The following ARPP21 variants were observed in gnomAD, a reference collection of about 807,000 sequenced individuals.
ARPP21 encodes cAMP-regulated phosphoprotein 21.
A neutral mutation model predicts 113.2 loss-of-function variants in ARPP21; 69 were observed. The observed-to-expected ratio is 0.61, with a 90% CI of 0.50 to 0.74. The LOEUF is 0.74. Ranked by LOEUF, ARPP21 falls within the 30% of genes least tolerant of loss-of-function variation. The pLI, the probability that ARPP21 is intolerant of heterozygous loss-of-function variation, is 0.00. For missense variants in ARPP21, 1,070 were observed against 1,037.4 expected (o/e 1.03, Z -0.43); for synonymous variants, 368 against 375.5 (o/e 0.98, Z 0.23).
At chr3:35,736,092 C>T (rs946095364) in intron 15 of ARPP21, among the ~76,000 whole-genome samples, 2 of 152,046 alleles carry the variant, frequency 1.3e-5, no homozygotes, top group African/African-American at 4.8e-5. Flanking sequence ...TCTTACTGAC[C>T]AGGGTCATTT....
chr3:35,753,716 A>G (rs1201341507), intron 19 of ARPP21, among the ~76,000 whole-genome samples: 3 of 151,992 alleles, frequency 2.0e-5, no homozygotes, highest in Admixed American at 2.0e-4. Flanking sequence ...TAACGTGTTT[A>G]GTTTTTTTGT....
At chr3:35,739,286 G>A (rs776761231) in intron 17 of ARPP21, 31 bp from the exon 18 acceptor site, 28 of 1,603,196 alleles carry the variant, frequency 1.7e-5, no homozygotes, top group Non-Finnish European at 2.2e-5. Context: ...CTGATCCTGT[G>A]AATTCCCTCA....
At chr3:35,688,336 A>G (rs1175507721) in intron 6 of ARPP21, among the ~76,000 whole-genome samples, 1 of 151,596 alleles carries the variant, frequency 6.6e-6, no homozygotes, top group Non-Finnish European at 1.5e-5. Context: ...GTATATGTCA[A>G]CGGAATACAT....
chr3:35,738,124 A>G, intron 16 of ARPP21, 90 bp from the exon 17 acceptor site: 2 of 802,402 alleles, frequency 2.5e-6, no homozygotes, highest in Non-Finnish European at 4.1e-6. Flanking sequence ...CACTGAACCT[A>G]GAGAGCCTAT....
intron 16 of ARPP21, among the ~76,000 whole-genome samples, chr3:35,737,990 C>T (rs147300281): frequency 1.2e-3 from 187 of 152,302 alleles, no homozygotes; most frequent in African/African-American, 4.2e-3. Context: ...CAATATCAAA[C>T]GTACATCAGT....
chr3:35,691,612 A>G (rs2082265655), intron 9 of ARPP21, among the ~76,000 whole-genome samples: 1 of 151,574 alleles, frequency 6.6e-6, no homozygotes, highest in African/African-American at 2.4e-5. Context: ...GAGGATGACA[A>G]GTTTTTTCCC....
intron 13 of ARPP21, among the ~76,000 whole-genome samples, chr3:35,718,765 C>G (rs543642014): frequency 7.3e-4 from 111 of 152,234 alleles, no homozygotes; most frequent in Middle Eastern, 3.4e-3. Flanking sequence ...AGCACAGAAG[C>G]AGAGCTTAAA....
At position 35,682,778 on chromosome 3, in the gene ARPP21, C is replaced by T. The variant is rs917204247; in HGVS notation, c.130-70C>T. Reference sequence around the variant, plus strand: ...TCTCTCTTTCTTTCTCTCTCTCTCTCGGTTGTTGATTTACTGTTCGTTTTT... The same window carrying T: ...TCTCTCTTTCTTTCTCTCTCTCTCTTGGTTGTTGATTTACTGTTCGTTTTT... On this transcript the variant is annotated intron_variant, in intron 3 of 20. Coordinates refer to ENST00000684406, the MANE Select transcript of ARPP21 (RefSeq NM_001385562.1). The T allele has an allele frequency of 1.3e-5, 18 of 1,377,344 alleles. No individual in the cohort carries two copies. The Admixed American group carries it at 1.6e-4, about 13-fold the overall frequency. 85.3% of individuals were successfully genotyped at this position (1,377,344 alleles called of 1,614,324 possible). A position where few individuals can be genotyped will look rare whatever the true frequency, so the allele number is the denominator to read the frequency against.
At chr3:35,720,290 T>C (rs549305969) in intron 13 of ARPP21, among the ~76,000 whole-genome samples, 2 of 152,370 alleles carry the variant, frequency 1.3e-5, no homozygotes, top group African/African-American at 4.8e-5. Flanking sequence ...AGTTATTTCA[T>C]TTTTATTTCT....
At chr3:35,671,027 C>G (rs2076217198) in intron 1 of ARPP21, among the ~76,000 whole-genome samples, 1 of 152,136 alleles carries the variant, frequency 6.6e-6, no homozygotes, top group African/African-American at 2.4e-5. Flanking sequence ...CTTTGAGACA[C>G]TCTTTTGCAT....
chr3:35,677,458 C>T (rs2077806842), intron 1 of ARPP21, among the ~76,000 whole-genome samples: 1 of 151,802 alleles, frequency 6.6e-6, no homozygotes, highest in African/African-American at 2.4e-5. Context: ...TAAGAAACAG[C>T]GTGAATATAA....
At chr3:35,643,823 G>T (rs1699119268) in intron 1 of ARPP21, 1 of 151,996 alleles carries the variant, frequency 6.6e-6, no homozygotes, top group Non-Finnish European at 1.5e-5. Flanking sequence ...TCTTCTTATG[G>T]TAAGTACTGG....
chr3:35,705,380 T>C (rs558450224), intron 9 of ARPP21, among the ~76,000 whole-genome samples: 4 of 152,306 alleles, frequency 2.6e-5, no homozygotes, highest in African/African-American at 9.6e-5. Context: ...CTACTGTAAA[T>C]GGCCTTTTCA....
Position 35,645,243 on chromosome 3 carries a change from A to G in ARPP21, c.-213+4845A>G, listed in dbSNP as rs1699764226. Among the ~76,000 whole-genome samples, 2 of 151,908 alleles carry G rather than the reference A, an allele frequency of 1.3e-5. 1 individual carries two copies. The highest frequency in any genetic ancestry group is 4.8e-5 in the African/African-American group (2 of 41,428). ...TCACATTTCACACTACTTCAAGATG[A>G]TACAATTCTTAAATTAGAAATCCAT... On this transcript the variant is annotated intron_variant, in intron 1 of 20. Coordinates refer to ENST00000684406, the MANE Select transcript of ARPP21 (RefSeq NM_001385562.1).
Position 35,778,304 on chromosome 3 carries a change from G to A in ARPP21, c.2138-14078G>A, listed in dbSNP as rs544116370. 1.8e-3 allele frequency among the ~76,000 whole-genome samples: 277 copies of A among 152,248 alleles called. 1 individual carries two copies. The highest frequency in any genetic ancestry group is 5.8e-3 in the African/African-American group (241 of 41,556). ...TCCATCTCTCCTGACCCCATGAGCT[G>A]CATCTGTCAGGTTCCTTTGCCCCCT... On this transcript the variant is annotated intron_variant, in intron 19 of 20. Coordinates refer to ENST00000684406, the MANE Select transcript of ARPP21 (RefSeq NM_001385562.1).
At chr3:35,678,591 C>A (rs1439833264) in intron 1 of ARPP21, among the ~76,000 whole-genome samples, 1 of 151,938 alleles carries the variant, frequency 6.6e-6, no homozygotes, top group African/African-American at 2.4e-5. Context: ...GTCTAATCAT[C>A]CATCTTCATA....
intron 2 of ARPP21, 86 bp downstream of exon 2, chr3:35,680,046 A>G (rs2078453740): frequency 6.6e-6 from 1 of 152,336 alleles, no homozygotes; most frequent in Admixed American, 6.6e-5. Context: ...CCAGCAGTTC[A>G]CTGAATGTAA....
rs1257522310 is a variant in ARPP21, at chr3:35,639,548, G to A, written c.-1063G>A. 4.6e-5 allele frequency: 7 copies of A among 152,594 alleles called. No homozygotes were observed. The highest frequency in any genetic ancestry group is 3.3e-4 in the Admixed American group (5 of 15,292). 9.5% of individuals were successfully genotyped at this position (152,594 alleles called of 1,614,324 possible). A position where few individuals can be genotyped will look rare whatever the true frequency, so the allele number is the denominator to read the frequency against. On this transcript the variant is annotated 5_prime_UTR_variant, in exon 1 of 21. Coordinates refer to ENST00000684406, the MANE Select transcript of ARPP21 (RefSeq NM_001385562.1). The surrounding 1 kb of genome is among the most constrained non-coding windows in gnomAD (Gnocchi z 5.0). Reference sequence around the variant, plus strand: ...GCAGACGACGGAGGCGGCCAAGCTGGAGGAACGGGACCGAGGGATCGACCG... The same window carrying A: ...GCAGACGACGGAGGCGGCCAAGCTGAAGGAACGGGACCGAGGGATCGACCG...
chr3:35,683,633 T>C (rs1180581358), intron 4 of ARPP21, 93 bp from the exon 5 acceptor site: 1 of 698,190 alleles, frequency 1.4e-6, no homozygotes, highest in African/African-American at 1.8e-5. Context: ...TTGGGGAAGT[T>C]ATGTAAATGT....
Sources: allele counts gnomAD v4.1 joint callset (sites outside exome capture counted in the v4.1 genomes callset), GRCh38; gene constraint gnomAD v4.1.1; non-coding constraint Gnocchi (gnomAD v3.1); transcripts MANE v1.5; gene names NCBI Gene and HGNC (gene_info 2026-07-23, HGNC 2026-07-21).